Variants in XIRP2 observed in about 807,000 individuals in gnomAD.
The protein encoded by XIRP2 is xin actin binding repeat containing 2.
Under a neutral mutation model 277.0 loss-of-function variants are expected in XIRP2, and 236 were observed. That is an observed-to-expected ratio of 0.85 (90% CI 0.77 to 0.95). XIRP2 has a LOEUF of 0.95. Ranked by LOEUF, XIRP2 falls within the 40% of genes least tolerant of loss-of-function variation. The probability of loss-of-function intolerance (pLI) is 0.00; values close to 1 mark genes in which losing one functional copy is unlikely to be tolerated. For synonymous variants in XIRP2, 1,490 were observed against 1,416.5 expected (o/e 1.05, Z -1.17); for missense variants, 4,640 against 4,157.5 (o/e 1.12, Z -3.19).
chr2:166,919,240 TTA>T (rs903024259), intron 2 of XIRP2, among the ~76,000 whole-genome samples: 1 of 152,192 alleles, frequency 6.6e-6, no homozygotes, highest in Non-Finnish European at 1.5e-5. Flanking sequence ...AGATATTTCT[TTA>T]TGTTTAATGT....
rs939385522 is a variant in XIRP2, at chr2:166,888,560, A to T, written c.-19+3A>T. 6.6e-6 allele frequency: 1 copy of T among 152,204 alleles called. No individual in the cohort carries two copies. The highest frequency in any genetic ancestry group is 1.5e-5 in the Non-Finnish European group (1 of 68,038). 9.4% of individuals were successfully genotyped at this position (152,204 alleles called of 1,614,324 possible). On this transcript the variant is annotated splice_donor_region_variant and intron_variant, in intron 1 of 10. Coordinates refer to ENST00000409195, the MANE Select transcript of XIRP2 (RefSeq NM_152381.6). ...GGACTGGGACATGTAGAAAAAAGGTAAGATTTTCCTAAGAAAAACCACTTC... is the reference window on the plus strand; with the variant it reads ...GGACTGGGACATGTAGAAAAAAGGTTAGATTTTCCTAAGAAAAACCACTTC...
In XIRP2 at chr2:167,243,400, C is replaced by T; in HGVS notation, c.2008C>T (p.His670Tyr). The change falls in exon 9 of 11, where the codon CAT (histidine) becomes TAT (tyrosine). Residue 670 changes from histidine to tyrosine, a missense_variant. Coordinates refer to ENST00000409195, the MANE Select transcript of XIRP2 (RefSeq NM_152381.6). ...TRPLDSMNKM[H>Y]QSQEESAVTI... ...GCCATTGGACTCAATGAATAAAATGCATCAAAGTCAAGAAGAATCAGCGGT... is the reference window on the plus strand; with the variant it reads ...GCCATTGGACTCAATGAATAAAATGTATCAAAGTCAAGAAGAATCAGCGGT... The T allele has an allele frequency of 1.2e-6, 2 of 1,613,914 alleles. No homozygotes were observed. The highest frequency in any genetic ancestry group is 1.7e-6 in the Non-Finnish European group (2 of 1,179,956).
chr2:166,945,478 C>CA (rs1558925953), intron 2 of XIRP2, among the ~76,000 whole-genome samples: 2 of 151,596 alleles, frequency 1.3e-5, no homozygotes, highest in Admixed American at 6.6e-5. Context: ...CCTTAAAAAT[C>CA]AAAAAAAGTA....
intron 2 of XIRP2, among the ~76,000 whole-genome samples, chr2:167,029,883 A>G (rs1433741006): frequency 6.6e-6 from 1 of 151,898 alleles, no homozygotes; most frequent in Admixed American, 6.6e-5. Flanking sequence ...CAATTTCAGG[A>G]CTTGTTATTC....
chr2:166,999,603 C>T (rs1288101747), intron 2 of XIRP2, among the ~76,000 whole-genome samples: 1 of 152,084 alleles, frequency 6.6e-6, no homozygotes, highest in African/African-American at 2.4e-5. Flanking sequence ...ACAATTCATT[C>T]AAGGGCCAGT....
intron 3 of XIRP2, among the ~76,000 whole-genome samples, chr2:167,138,360 T>A (rs1391418833): frequency 6.6e-6 from 1 of 152,184 alleles, no homozygotes; most frequent in Non-Finnish European, 1.5e-5. Flanking sequence ...GTCAGTTTGG[T>A]TCCACTCCAA....
chr2:167,105,357 T>C (rs1465287448), intron 2 of XIRP2, among the ~76,000 whole-genome samples: 2 of 152,004 alleles, frequency 1.3e-5, no homozygotes, highest in African/African-American at 4.8e-5. Context: ...TGATCTGTTC[T>C]CCTTTTCCAT....
At chr2:167,144,877 A>C (rs1409171079) in intron 3 of XIRP2, among the ~76,000 whole-genome samples, 1 of 152,196 alleles carries the variant, frequency 6.6e-6, no homozygotes, top group Non-Finnish European at 1.5e-5. Flanking sequence ...AATTCAGATT[A>C]AAAACTTTGA....
chr2:167,097,914 T>A (rs139253432), intron 2 of XIRP2, among the ~76,000 whole-genome samples: 134 of 152,340 alleles, frequency 8.8e-4, no homozygotes, highest in African/African-American at 3.0e-3. Flanking sequence ...TGCAGAGAGA[T>A]CTGCAGTTAG....
Position 167,251,071 on chromosome 2 carries a change from A to T in XIRP2, c.9679A>T (p.Ile3227Leu). The T allele has an allele frequency of 6.2e-7, 1 of 1,613,668 alleles. No homozygotes were observed. The highest frequency in any genetic ancestry group is 1.1e-5 in the South Asian group (1 of 91,084). ...SPATLRRQIK[I>L]ETRGRDSPPT... ...TGCAACACTTCGTCGTCAAATTAAG[A>T]TAGAAACTCGTGGTAGGGACTCTCC... Residue 3227 changes from isoleucine (I) to leucine (L), a missense_variant, in exon 9 of 11, where the codon ATA (isoleucine) becomes TTA (leucine). By Grantham distance (5) the Ile-to-Leu change is conservative (BLOSUM62 2). Transcript: ENST00000409195.
intron 2 of XIRP2, among the ~76,000 whole-genome samples, chr2:167,044,762 A>G (rs1688746516): frequency 6.6e-6 from 1 of 152,058 alleles, no homozygotes; most frequent in African/African-American, 2.4e-5. Context: ...TTACACAAAC[A>G]AATGGAAAAA....
chr2:167,007,765 T>C (rs1034767595), intron 2 of XIRP2, among the ~76,000 whole-genome samples: 1 of 150,284 alleles, frequency 6.7e-6, no homozygotes, highest in East Asian at 1.9e-4. Context: ...AGAGAAAATA[T>C]TGAATTATCT....
At chr2:166,962,538 C>T (rs542605041) in intron 2 of XIRP2, among the ~76,000 whole-genome samples, 1 of 151,666 alleles carries the variant, frequency 6.6e-6, no homozygotes, top group South Asian at 2.1e-4. Flanking sequence ...TTATTGCAAG[C>T]ATATATTCAC....
intron 2 of XIRP2, among the ~76,000 whole-genome samples, chr2:167,110,933 A>G (rs374355744): frequency 5.9e-5 from 9 of 152,046 alleles, no homozygotes; most frequent in African/African-American, 2.2e-4. Flanking sequence ...TCTTGTGGCA[A>G]CTGTGAATAG....
chr2:167,211,206 T>C (rs1200681743), intron 4 of XIRP2, among the ~76,000 whole-genome samples: 1 of 152,136 alleles, frequency 6.6e-6, no homozygotes, highest in Non-Finnish European at 1.5e-5. Flanking sequence ...CAAGTGATTC[T>C]CTTGCCTCAG....
intron 4 of XIRP2, among the ~76,000 whole-genome samples, chr2:167,217,355 T>A (rs1260977396): frequency 6.6e-6 from 1 of 152,084 alleles, no homozygotes; most frequent in Non-Finnish European, 1.5e-5. Flanking sequence ...ACCCTTCTAA[T>A]GTTAAAGCCC....
chr2:167,059,631 C>T (rs1037055086), intron 2 of XIRP2, among the ~76,000 whole-genome samples: 5 of 152,148 alleles, frequency 3.3e-5, no homozygotes, highest in Admixed American at 6.5e-5. Flanking sequence ...TTTCCTCCCA[C>T]CTCCAGAGAA....
intron 2 of XIRP2, among the ~76,000 whole-genome samples, chr2:167,029,478 C>T (rs540021613): frequency 6.6e-6 from 1 of 151,942 alleles, no homozygotes; most frequent in African/African-American, 2.4e-5. Context: ...TGGTTTTTGC[C>T]ATTGGTTCTG....
intron 2 of XIRP2, among the ~76,000 whole-genome samples, chr2:167,086,786 A>C (rs1689958767): frequency 6.7e-6 from 1 of 148,530 alleles, no homozygotes; most frequent in Non-Finnish European, 1.5e-5. Flanking sequence ...CTTGGTTTTC[A>C]GCTCCATCAG....
Sources: gnomAD v4.1 joint callset for allele counts (sites outside exome capture counted in the v4.1 genomes callset) on GRCh38, gnomAD v4.1.1 for gene constraint, MANE v1.5 for transcripts, NCBI Gene and HGNC (gene_info 2026-07-23, HGNC 2026-07-21) for gene names.